The following SCTR variants were observed in gnomAD, a reference collection of about 807,000 sequenced individuals.
The protein encoded by SCTR is pancreatic secretin receptor.
SCTR carries 56 observed loss-of-function variants against 60.8 expected under a neutral mutation model. The ratio of observed to expected loss-of-function variants is 0.92; its 90% CI spans 0.74 to 1.15. The LOEUF (loss-of-function observed/expected upper bound fraction) is 1.15. Ranked by LOEUF, SCTR falls within the 50% of genes most tolerant of loss-of-function variation. The pLI, the probability that SCTR is intolerant of heterozygous loss-of-function variation, is 0.00. For synonymous variants in SCTR, 202 were observed against 217.0 expected, an observed-to-expected ratio of 0.93 and a Z score of 0.61; for missense variants, 562 against 550.4, an observed-to-expected ratio of 1.02 and a Z score of -0.21.
intron 1 of SCTR, among the ~76,000 whole-genome samples, chr2:119,512,940 T>C (rs576773083): frequency 6.6e-6 from 1 of 152,366 alleles, no homozygotes; most frequent in Non-Finnish European, 1.5e-5. Flanking sequence ...GGCACTTTTC[T>C]CATGATTGTT....
intron 7 of SCTR, among the ~76,000 whole-genome samples, chr2:119,453,799 A>C (rs1398709005): frequency 6.6e-6 from 1 of 152,220 alleles, no homozygotes; most frequent in African/African-American, 2.4e-5. Context: ...TTTTATTCAA[A>C]TATTGGTTTG....
At chr2:119,520,194 A>T (rs1006347886) in intron 1 of SCTR, among the ~76,000 whole-genome samples, 4 of 152,208 alleles carry the variant, frequency 2.6e-5, no homozygotes, top group Non-Finnish European at 2.9e-5. Flanking sequence ...ACCCTCTCTG[A>T]AAAGTCATCA....
At chr2:119,498,053 A>G (rs1678414968) in intron 1 of SCTR, among the ~76,000 whole-genome samples, 1 of 152,184 alleles carries the variant, frequency 6.6e-6, no homozygotes, top group Non-Finnish European at 1.5e-5. Flanking sequence ...CCTAAAGAAG[A>G]TAAATCCTTA....
intron 2 of SCTR, 51 bp downstream of exon 2, chr2:119,494,377 C>G (rs368443537): frequency 6.3e-7 from 1 of 1,592,650 alleles, no homozygotes; most frequent in Non-Finnish European, 8.6e-7. Context: ...CCAGCAGGAC[C>G]GGACATGCTC....
At chr2:119,479,156 G>GAGGAAGAGAAGAAGGAAAGA in intron 2 of SCTR, 1 of 1,256,798 alleles carries the variant, frequency 8.0e-7, no homozygotes, top group Non-Finnish European at 1.0e-6. Flanking sequence ...GAAAGGGAGG[G>GAGGAAGAGAAGAAGGAAAGA]AGGAAGGGAA....
In SCTR at chr2:119,490,819, G is replaced by T. The variant is rs554051127; in HGVS notation, c.193+3609C>A. Reference sequence around the variant, plus strand: ...CACTGGCCCAGTATCCCTTTGTCTGGGGGCTTTCTCTAGCTACTGATTGTC... The same window carrying T: ...CACTGGCCCAGTATCCCTTTGTCTGTGGGCTTTCTCTAGCTACTGATTGTC... On this transcript the variant is annotated intron_variant, in intron 2 of 12. Transcript: ENST00000019103. Among the ~76,000 whole-genome samples the T allele has an allele frequency of 2.2e-4, 34 of 152,286 alleles. No homozygotes were observed. The South Asian group carries it at 2.9e-3, about 13-fold the overall frequency.
Position 119,440,186 on chromosome 2 carries a change from G to A in SCTR, c.1254C>T (p.Ser418=). 6.2e-7 allele frequency: 1 copy of A among 1,614,110 alleles called. No homozygotes were observed. Among genetic ancestry groups the A allele is most frequent in the Non-Finnish European group, 8.5e-7 (1 of 1,180,016 alleles). The change falls in exon 13 of 13, where the codon TCC becomes TCT. Residue 418 remains serine, a synonymous_variant. Transcript: ENST00000019103. ...LREFPLHPVA[S]FSNSTKASHL... ...GGCTGGCCTTGGTGCTGTTGCTGAAGGAGGCCACGGGGTGCAGTGGGAACT... is the reference window on the plus strand; with the variant it reads ...GGCTGGCCTTGGTGCTGTTGCTGAAAGAGGCCACGGGGTGCAGTGGGAACT...
chr2:119,510,205 A>C (rs1299881616), intron 1 of SCTR, among the ~76,000 whole-genome samples: 2 of 147,848 alleles, frequency 1.4e-5, no homozygotes, highest in African/African-American at 5.0e-5. Context: ...TCATTGTTCA[A>C]CTCCCACTTA....
At position 119,487,726 on chromosome 2, in the gene SCTR, C is replaced by A. The variant is rs151014585; in HGVS notation, c.193+6702G>T. ...CGTTCCCAGAAAATGCCAGTAAGAC[C>A]TTGGCCACCTAACCCGGAATGGCTG... is the stretch of plus-strand genomic sequence containing the variant. On this transcript the variant is annotated intron_variant, in intron 2 of 12. Transcript: ENST00000019103. 5.3e-5 allele frequency among the ~76,000 whole-genome samples: 8 copies of A among 152,318 alleles called. No homozygotes were observed. The East Asian group carries it at 1.3e-3, about 26-fold the overall frequency.
chr2:119,479,246 G>C (rs1677487356), intron 2 of SCTR: 1 of 1,066,452 alleles, frequency 9.4e-7, no homozygotes, highest in Admixed American at 5.2e-5. Context: ...TGGCACATCT[G>C]TTGGCCAATC....
chr2:119,469,893 C>T (rs1244503852), intron 4 of SCTR, among the ~76,000 whole-genome samples: 1 of 152,234 alleles, frequency 6.6e-6, no homozygotes, highest in Admixed American at 6.5e-5. Flanking sequence ...GCCTCTCTTA[C>T]TGCTGTATGT....
At chr2:119,501,036 CA>C in intron 1 of SCTR, among the ~76,000 whole-genome samples, 1 of 152,014 alleles carries the variant, frequency 6.6e-6, no homozygotes, top group East Asian at 1.9e-4. Flanking sequence ...AATTTAATAA[CA>C]AAAGGTTGAA....
intron 11 of SCTR, among the ~76,000 whole-genome samples, chr2:119,443,111 G>A (rs775034101): frequency 4.6e-5 from 7 of 152,182 alleles, no homozygotes; most frequent in Non-Finnish European, 7.3e-5. Context: ...AGGGTTGCCT[G>A]GCCTCCGCTG....
chr2:119,520,419 A>C (rs923199891), intron 1 of SCTR, among the ~76,000 whole-genome samples: 1 of 152,176 alleles, frequency 6.6e-6, no homozygotes, highest in African/African-American at 2.4e-5. Flanking sequence ...AGATCACTTG[A>C]GCCAGGAAGT....
At chr2:119,492,344 G>C (rs987287359) in intron 2 of SCTR, among the ~76,000 whole-genome samples, 2 of 152,216 alleles carry the variant, frequency 1.3e-5, no homozygotes, top group Non-Finnish European at 2.9e-5. Flanking sequence ...AGTGATGAGA[G>C]CACAGCCGAC....
intron 3 of SCTR, 120 bp downstream of exon 3, chr2:119,478,691 A>C (rs1377091661): frequency 8.7e-6 from 7 of 808,494 alleles, no homozygotes; most frequent in Non-Finnish European, 1.2e-5. Context: ...GATCTCCCCC[A>C]TCATTGTACC....
intron 1 of SCTR, among the ~76,000 whole-genome samples, chr2:119,513,443 G>GA (rs1315850185): frequency 6.6e-6 from 1 of 152,072 alleles, no homozygotes; most frequent in Admixed American, 6.5e-5. Context: ...GATTGTCAGA[G>GA]AAAAATCACT....
intron 2 of SCTR, among the ~76,000 whole-genome samples, chr2:119,489,283 G>A (rs1284619568): frequency 6.6e-6 from 1 of 152,186 alleles, no homozygotes; most frequent in Non-Finnish European, 1.5e-5. Context: ...TGTGTCCTCT[G>A]CGGGGGCCTC....
chr2:119,503,606 A>G (rs1257883177), intron 1 of SCTR, among the ~76,000 whole-genome samples: 1 of 152,124 alleles, frequency 6.6e-6, no homozygotes, highest in East Asian at 1.9e-4. Context: ...AGTAAAAAAA[A>G]TCAGTGGTTG....
Sources: allele counts gnomAD v4.1 joint callset (sites outside exome capture counted in the v4.1 genomes callset), GRCh38; gene constraint gnomAD v4.1.1; transcripts MANE v1.5; gene names NCBI Gene and HGNC (gene_info 2026-07-23, HGNC 2026-07-21).